Variants in TOX observed in about 807,000 individuals in gnomAD.
The protein encoded by TOX is thymocyte selection-associated high mobility group box protein TOX.
TOX carries 11 observed loss-of-function variants against 53.7 expected under a neutral mutation model. That is an observed-to-expected ratio of 0.20 (90% CI 0.13 to 0.34). TOX has a LOEUF of 0.34. TOX is among the 10% of genes least tolerant of loss of function. TOX has a pLI of 1.00. For missense variants in TOX, 570 were observed against 664.6 expected, an observed-to-expected ratio of 0.86 and a Z score of 1.56; for synonymous variants, 225 against 245.3, an observed-to-expected ratio of 0.92 and a Z score of 0.77.
In TOX at chr8:59,063,999, AAG is replaced by A. The variant is rs543681594; in HGVS notation, c.102+54885_102+54886del. On this transcript the variant is annotated intron_variant, in intron 1 of 8. Transcript: ENST00000361421. ...GACCAATGTTGTGCTAAATGTACTA[AAG>A]AGAGAATAAAAGACTTGGAAATGAC... Among the ~76,000 whole-genome samples the A allele has an allele frequency of 3.8e-3, 583 of 152,184 alleles. 7 individuals are homozygous for A. Among genetic ancestry groups the A allele is most frequent in the African/African-American group, 0.014 (568 of 41,512 alleles).
At chr8:58,941,049 T>TA (rs920615510) in intron 2 of TOX, among the ~76,000 whole-genome samples, 1 of 152,148 alleles carries the variant, frequency 6.6e-6, no homozygotes, top group Non-Finnish European at 1.5e-5. Context: ...AAAGTTCTGC[T>TA]AAAAAAATCA....
At chr8:58,847,551 A>G (rs1810738105) in intron 4 of TOX, among the ~76,000 whole-genome samples, 1 of 152,138 alleles carries the variant, frequency 6.6e-6, no homozygotes, top group Non-Finnish European at 1.5e-5. Context: ...GAGAAAGTCT[A>G]ATATTCATCC....
intron 3 of TOX, among the ~76,000 whole-genome samples, chr8:58,863,397 G>C (rs1235120676): frequency 6.6e-6 from 1 of 152,124 alleles, no homozygotes; most frequent in African/African-American, 2.4e-5. Flanking sequence ...GTACTAAGAA[G>C]TTTCCATGAA....
chr8:58,945,605 G>A (rs1175554736), intron 2 of TOX, among the ~76,000 whole-genome samples: 1 of 152,084 alleles, frequency 6.6e-6, no homozygotes, highest in East Asian at 1.9e-4. Flanking sequence ...CATGATCTGA[G>A]TATCCTGTTT....
chr8:58,980,762 A>G (rs1008359036), intron 1 of TOX, among the ~76,000 whole-genome samples: 2 of 152,142 alleles, frequency 1.3e-5, no homozygotes, highest in African/African-American at 4.8e-5. Flanking sequence ...CTCTTTCCTA[A>G]TTCTAAATAA....
At chr8:58,924,402 C>A (rs912296821) in intron 3 of TOX, among the ~76,000 whole-genome samples, 1 of 152,242 alleles carries the variant, frequency 6.6e-6, no homozygotes, top group African/African-American at 2.4e-5. Flanking sequence ...GTCACAAATA[C>A]TCACTCGAAG....
intron 3 of TOX, among the ~76,000 whole-genome samples, chr8:58,875,980 G>A (rs1811276795): frequency 1.3e-5 from 2 of 152,076 alleles, no homozygotes. Context: ...AGACTGATCT[G>A]GTCCTCAGAT....
intron 1 of TOX, among the ~76,000 whole-genome samples, chr8:59,040,397 G>T (rs1803559150): frequency 6.7e-6 from 1 of 149,786 alleles, no homozygotes; most frequent in Non-Finnish European, 1.5e-5. Flanking sequence ...GATGGAATTT[G>T]CTATCTTAGA....
chr8:59,097,320 T>C (rs946571549), intron 1 of TOX, among the ~76,000 whole-genome samples: 1 of 152,064 alleles, frequency 6.6e-6, no homozygotes, highest in Admixed American at 6.6e-5. Context: ...TTATAGACAG[T>C]GTGAGCTCCT....
intron 1 of TOX, among the ~76,000 whole-genome samples, chr8:59,109,229 T>C (rs3122653): frequency 0.02 from 3,120 of 152,226 alleles, 43 homozygotes; most frequent in Admixed American, 0.04. Context: ...ACCTACTTAA[T>C]TATAAAGGAG....
chr8:59,047,735 G>C (rs548258195), intron 1 of TOX, among the ~76,000 whole-genome samples: 1 of 152,162 alleles, frequency 6.6e-6, no homozygotes, highest in South Asian at 2.1e-4. Flanking sequence ...CAGTATGCTG[G>C]CTTGGAGAAT....
chr8:58,963,635 T>C (rs1268230819), intron 1 of TOX, among the ~76,000 whole-genome samples: 1 of 152,150 alleles, frequency 6.6e-6, no homozygotes, highest in Non-Finnish European at 1.5e-5. Flanking sequence ...TAATCACACC[T>C]CTTTGTCCAG....
At chr8:58,954,937 T>C (rs1476297897) in intron 2 of TOX, among the ~76,000 whole-genome samples, 2 of 152,032 alleles carry the variant, frequency 1.3e-5, no homozygotes, top group Non-Finnish European at 2.9e-5. Flanking sequence ...AGGTGATGAG[T>C]TGTGGTTTGA....
chr8:59,007,180 C>T (rs151222253), intron 1 of TOX, among the ~76,000 whole-genome samples: 253 of 151,972 alleles, frequency 1.7e-3, no homozygotes, highest in Admixed American at 8.1e-3. Context: ...TCAGAGCTGT[C>T]GGTGTCACCA....
At chr8:58,889,498 G>C (rs772109605) in intron 3 of TOX, among the ~76,000 whole-genome samples, 2 of 152,158 alleles carry the variant, frequency 1.3e-5, no homozygotes, top group South Asian at 4.1e-4. Flanking sequence ...CTCTTGTGGT[G>C]GTGGGGGTGA....
chr8:59,053,565 G>C (rs1181021593), intron 1 of TOX, among the ~76,000 whole-genome samples: 1 of 152,102 alleles, frequency 6.6e-6, no homozygotes, highest in Non-Finnish European at 1.5e-5. Context: ...GTTCTGTTCT[G>C]TACTGACATT....
At chr8:59,085,775 T>C (rs1306059998) in intron 1 of TOX, among the ~76,000 whole-genome samples, 1 of 152,154 alleles carries the variant, frequency 6.6e-6, no homozygotes, top group East Asian at 1.9e-4. Flanking sequence ...GAGTGACTCT[T>C]ATTTAATCAA....
chr8:59,044,808 C>G (rs1173176206), intron 1 of TOX, among the ~76,000 whole-genome samples: 2 of 152,172 alleles, frequency 1.3e-5, no homozygotes, highest in African/African-American at 4.8e-5. Flanking sequence ...TAAATGTCCC[C>G]TTCAAGGGAA....
chr8:59,047,839 T>G lies in TOX; in HGVS notation c.102+71047A>C, dbSNP rs568082925. Among the ~76,000 whole-genome samples the G allele has an allele frequency of 2.0e-5, 3 of 152,304 alleles. No individual in the cohort carries two copies. The South Asian group carries it at 6.2e-4, about 32-fold the overall frequency. ...AACAACATTATCAGAAAATTAAAAT[T>G]TCTGTCTTTGCATTATGAATAAAGA... On this transcript the variant is annotated intron_variant, in intron 1 of 8. Transcript: ENST00000361421.
Sources: gnomAD v4.1 joint callset for allele counts (sites outside exome capture counted in the v4.1 genomes callset) on GRCh38, gnomAD v4.1.1 for gene constraint, MANE v1.5 for transcripts, NCBI Gene and HGNC (gene_info 2026-07-23, HGNC 2026-07-21) for gene names.